The following CCSER2 variants were observed in gnomAD, a reference collection of about 807,000 sequenced individuals.
The protein encoded by CCSER2 is coiled-coil serine rich protein 2, also known as serine-rich coiled-coil domain-containing protein 2.
Under a neutral mutation model 92.3 loss-of-function variants are expected in CCSER2, and 46 were observed. That is an observed-to-expected ratio of 0.50 (90% confidence interval 0.39 to 0.64). The LOEUF (loss-of-function observed/expected upper bound fraction) is 0.64, where lower values mean the gene tolerates loss of function less well. Ranked by LOEUF, CCSER2 falls within the 30% of genes least tolerant of loss-of-function variation. CCSER2 has a pLI of 0.00. For synonymous variants in CCSER2, 433 were observed against 431.4 expected, an observed-to-expected ratio of 1.00 and a Z score of -0.04; for missense variants, 1,244 against 1,238.9, an observed-to-expected ratio of 1.00 and a Z score of -0.06.
At position 84,458,867 on chromosome 10, in the gene CCSER2, T is replaced by G. The variant is rs575956605; in HGVS notation, c.2065-5066T>G. 7.2e-5 allele frequency among the ~76,000 whole-genome samples: 11 copies of G among 152,292 alleles called. No individual in the cohort carries two copies. The South Asian group carries it at 2.1e-3, about 29-fold the overall frequency. On this transcript the variant is annotated intron_variant, in intron 6 of 9. Coordinates refer to ENST00000372088, the MANE Select transcript of CCSER2 (RefSeq NM_001284240.2). ...TTCTCTTTTGTTATTTTGGATTTTT[T>G]TCCCTTGTCTTTTGGATTTTGCTTT... is the stretch of plus-strand genomic sequence containing the variant.
At chr10:84,422,776 CA>C (rs927661406) in intron 4 of CCSER2, among the ~76,000 whole-genome samples, 44 of 152,276 alleles carry the variant, frequency 2.9e-4, no homozygotes, top group African/African-American at 9.1e-4. Context: ...GTCTCTGGGT[CA>C]GGGGCGGTGG....
chr10:84,469,087 A>G (rs191607951), intron 7 of CCSER2, among the ~76,000 whole-genome samples: 528 of 152,320 alleles, frequency 3.5e-3, no homozygotes, highest in Non-Finnish European at 6.4e-3. Context: ...CTGTTAATAT[A>G]CTTGAGATAT....
At chr10:84,347,848 C>A (rs1345086304) in intron 1 of CCSER2, among the ~76,000 whole-genome samples, 3 of 151,524 alleles carry the variant, frequency 2.0e-5, no homozygotes. Context: ...TCCTCACATC[C>A]CAGACGGGGC....
chr10:84,412,067 CAT>C (rs754846554), intron 3 of CCSER2, among the ~76,000 whole-genome samples: 3 of 152,210 alleles, frequency 2.0e-5, no homozygotes, highest in African/African-American at 4.8e-5. Context: ...TTGAGATAGT[CAT>C]GTGGTTTTTG....
At chr10:84,367,830 T>C (rs531222504) in intron 1 of CCSER2, among the ~76,000 whole-genome samples, 1 of 152,232 alleles carries the variant, frequency 6.6e-6, no homozygotes, top group South Asian at 2.1e-4. Flanking sequence ...ATTAGATGCA[T>C]GTTCTTATTA....
chr10:84,456,549 GT>G (rs564520773), intron 6 of CCSER2, among the ~76,000 whole-genome samples: 1 of 152,150 alleles, frequency 6.6e-6, no homozygotes, highest in African/African-American at 2.4e-5. Context: ...GTGAACATTT[GT>G]TTACAGATTT....
intron 1 of CCSER2, among the ~76,000 whole-genome samples, chr10:84,332,436 A>ATATATATTTTTTTTT (rs1401635246): frequency 3.6e-5 from 2 of 55,210 alleles, no homozygotes; most frequent in African/African-American, 2.3e-4. Flanking sequence ...ATATATATAT[A>ATATATATTTTTTTTT]TTTTTTTTTT....
Position 84,357,459 on chromosome 10 carries a change from T to C in CCSER2, c.-39-13555T>C, listed in dbSNP as rs539470140. 2.7e-5 allele frequency among the ~76,000 whole-genome samples: 4 copies of C among 150,100 alleles called. No homozygotes were observed. In the East Asian group the frequency reaches 7.8e-4, roughly 29 times the overall value. On this transcript the variant is annotated intron_variant, in intron 1 of 9. Coordinates refer to ENST00000372088, the MANE Select transcript of CCSER2 (RefSeq NM_001284240.2). ...ATTTATTATATTTTTGTGTTTTTTTTTTTTTTTTGAGACGGAGTCTCTCTC... is the reference window on the plus strand; with the variant it reads ...ATTTATTATATTTTTGTGTTTTTTTCTTTTTTTTGAGACGGAGTCTCTCTC...
intron 4 of CCSER2, among the ~76,000 whole-genome samples, 191 bp downstream of exon 4, chr10:84,418,052 T>C (rs1042790204): frequency 3.9e-5 from 6 of 152,230 alleles, no homozygotes; most frequent in African/African-American, 1.4e-4. Context: ...TTTGTAAGTC[T>C]TAGATATAAT....
intron 5 of CCSER2, among the ~76,000 whole-genome samples, chr10:84,432,453 T>C (rs1054183450): frequency 1.3e-5 from 2 of 152,212 alleles, no homozygotes; most frequent in Non-Finnish European, 2.9e-5. Context: ...ACCATTGTTA[T>C]GTCTGTGAGT....
intron 9 of CCSER2, among the ~76,000 whole-genome samples, chr10:84,512,303 C>T (rs1849389723): frequency 6.6e-6 from 1 of 150,396 alleles, no homozygotes; most frequent in Non-Finnish European, 1.5e-5. Flanking sequence ...AAATGGCCCT[C>T]TGAATTTCAT....
chr10:84,426,739 C>T (rs1843456378), intron 5 of CCSER2, among the ~76,000 whole-genome samples: 1 of 151,914 alleles, frequency 6.6e-6, no homozygotes, highest in Non-Finnish European at 1.5e-5. Context: ...TGTGTAGTTC[C>T]TAAAGTGAGG....
intron 3 of CCSER2, among the ~76,000 whole-genome samples, chr10:84,383,127 A>C (rs1348963261): frequency 6.6e-6 from 1 of 152,124 alleles, no homozygotes; most frequent in African/African-American, 2.4e-5. Flanking sequence ...CTCTAGTCCA[A>C]AAATATGGAA....
At chr10:84,470,131 G>A (rs1846698766) in intron 7 of CCSER2, among the ~76,000 whole-genome samples, 1 of 150,242 alleles carries the variant, frequency 6.7e-6, no homozygotes, top group Non-Finnish European at 1.5e-5. Context: ...TTAAATAAGT[G>A]CAAGTGCTTA....
At chr10:84,401,646 A>C (rs563754398) in intron 3 of CCSER2, among the ~76,000 whole-genome samples, 4 of 152,346 alleles carry the variant, frequency 2.6e-5, no homozygotes, top group Admixed American at 1.3e-4. Flanking sequence ...CTTTTCCTGA[A>C]AGTAGAAGAA....
intron 1 of CCSER2, among the ~76,000 whole-genome samples, chr10:84,359,557 A>C (rs1159693754): frequency 6.6e-6 from 1 of 152,076 alleles, no homozygotes; most frequent in Non-Finnish European, 1.5e-5. Context: ...TATTGATGCT[A>C]CTGCTGATCA....
At chr10:84,507,273 T>TC (rs1474446419) in intron 9 of CCSER2, 2 of 981,264 alleles carry the variant, frequency 2.0e-6, no homozygotes, top group African/African-American at 3.5e-5. Context: ...GTCTCTGCTC[T>TC]CCCATTATGC....
chr10:84,378,254 T>C (rs1846445827), intron 3 of CCSER2, among the ~76,000 whole-genome samples: 1 of 146,904 alleles, frequency 6.8e-6, no homozygotes, highest in African/African-American at 2.5e-5. Context: ...TCTACGTCTG[T>C]TGAGATAATG....
chr10:84,395,995 A>G (rs1841809381), intron 3 of CCSER2, among the ~76,000 whole-genome samples: 1 of 152,090 alleles, frequency 6.6e-6, no homozygotes, highest in Non-Finnish European at 1.5e-5. Context: ...ATACACACAC[A>G]CTTCTCTTCT....
Sources: gnomAD v4.1 joint callset for allele counts (sites outside exome capture counted in the v4.1 genomes callset) on GRCh38, gnomAD v4.1.1 for gene constraint, MANE v1.5 for transcripts, NCBI Gene and HGNC (gene_info 2026-07-23, HGNC 2026-07-21) for gene names.